Variants in SYNE2 observed in about 807,000 individuals in gnomAD.
SYNE2 encodes nesprin-2.
A neutral mutation model predicts 856.3 loss-of-function variants in SYNE2; 431 were observed. The observed-to-expected ratio is 0.50, with a 90% CI of 0.47 to 0.55. SYNE2 has a LOEUF of 0.55. Ranked by LOEUF, SYNE2 falls within the 20% of genes least tolerant of loss-of-function variation. The pLI, the probability that SYNE2 is intolerant of heterozygous loss-of-function variation, is 0.00. For missense variants in SYNE2, 8,129 were observed against 8,023.2 expected, an observed-to-expected ratio of 1.01 and a Z score of -0.50; for synonymous variants, 2,923 against 2,872.3, an observed-to-expected ratio of 1.02 and a Z score of -0.56.
At chr14:64,020,802 G>T (rs988032186) in intron 35 of SYNE2, among the ~76,000 whole-genome samples, 7 of 152,164 alleles carry the variant, frequency 4.6e-5, no homozygotes, top group Non-Finnish European at 8.8e-5. Context: ...TAGGTACATA[G>T]TGGTTGAATA....
chr14:64,002,516 G>C (rs1197680754), intron 29 of SYNE2, among the ~76,000 whole-genome samples: 1 of 152,112 alleles, frequency 6.6e-6, no homozygotes, highest in African/African-American at 2.4e-5. Flanking sequence ...TTATGTGCTT[G>C]TTTTCTTTTT....
chr14:63,955,773 G>A (rs528941032), intron 8 of SYNE2, among the ~76,000 whole-genome samples: 12 of 152,200 alleles, frequency 7.9e-5, no homozygotes, highest in East Asian at 1.9e-4. Context: ...TTTATGATAC[G>A]CTTTCTTATA....
Position 64,167,589 on chromosome 14 carries a change from G to A in SYNE2, c.16855G>A (p.Asp5619Asn), listed in dbSNP as rs1220986968. 3 of 1,614,202 alleles carry A rather than the reference G, an allele frequency of 1.9e-6. No homozygotes were observed. The South Asian group carries it at 3.3e-5, about 18-fold the overall frequency. ...LEKIEEALKV[D>N]VANSLPELLE... ...GAAGATAGAAGAAGCACTCAAAGTG[G>A]ATGTGGCTAACAGCCTTCCTGAGCT... The change falls in exon 92 of 116, where the codon GAT (aspartate) becomes AAT (asparagine). Residue 5619 changes from aspartate (D) to asparagine (N), a missense_variant. Around this residue, in one of 3 missense-constraint regions of SYNE2, gnomAD observed 5,410 missense variants for 5,284.8 expected, o/e 1.02. Coordinates refer to ENST00000555002, the MANE Select transcript of SYNE2 (RefSeq NM_182914.3).
chr14:63,909,626 A>C (rs958748757), intron 2 of SYNE2, among the ~76,000 whole-genome samples: 1 of 152,070 alleles, frequency 6.6e-6, no homozygotes, highest in Non-Finnish European at 1.5e-5. Flanking sequence ...CGGATCACCC[A>C]AGGTCAGGAG....
intron 39 of SYNE2, 121 bp downstream of exon 39, chr14:64,024,580 T>A: frequency 1.0e-6 from 1 of 962,628 alleles, no homozygotes; most frequent in Non-Finnish European, 1.6e-6. Context: ...ACAAAAGGCG[T>A]ACTTTTCAAT....
intron 41 of SYNE2, among the ~76,000 whole-genome samples, chr14:64,026,135 G>C (rs566928241): frequency 6.6e-6 from 1 of 152,118 alleles, no homozygotes; most frequent in African/African-American, 2.4e-5. Flanking sequence ...CGTTTTCCCA[G>C]AGAAAGTGAG....
chr14:63,939,225 G>T lies in SYNE2; in HGVS notation c.80-1389G>T, dbSNP rs919354961. On this transcript the variant is annotated intron_variant, in intron 2 of 115. Transcript: ENST00000555002. ...GTTGAGAATGTCTGCTGAAAATCAG[G>T]GGGTAGAGGGCTAAGGGAGGCATGG... Among the ~76,000 whole-genome samples, 3 of 152,268 alleles carry T rather than the reference G, an allele frequency of 2.0e-5. No individual in the cohort carries two copies. The South Asian group carries it at 6.2e-4, about 32-fold the overall frequency.
chr14:64,035,274 A>T (rs371226699), intron 45 of SYNE2, among the ~76,000 whole-genome samples: 2 of 152,098 alleles, frequency 1.3e-5, no homozygotes, highest in African/African-American at 4.8e-5. Flanking sequence ...TTGAATGAGA[A>T]GGAAACTACT....
intron 2 of SYNE2, among the ~76,000 whole-genome samples, chr14:63,927,913 G>A (rs77598306): frequency 0.046 from 6,987 of 151,850 alleles, 177 homozygotes; most frequent in Middle Eastern, 0.054. Context: ...CATGCCTTTC[G>A]CCTTCTGCCA....
intron 96 of SYNE2, among the ~76,000 whole-genome samples, chr14:64,186,150 G>T (rs113041967): frequency 5.3e-5 from 8 of 152,246 alleles, no homozygotes; most frequent in African/African-American, 1.9e-4. Flanking sequence ...AGACCTATGT[G>T]ACTTTAAAAT....
intron 1 of SYNE2, among the ~76,000 whole-genome samples, chr14:63,785,288 G>A (rs548392129): frequency 1.3e-5 from 2 of 151,922 alleles, no homozygotes; most frequent in African/African-American, 4.8e-5. Context: ...GCAAAACCCC[G>A]TCTCTACCAA....
chr14:64,202,951 C>T lies in SYNE2; in HGVS notation c.18189C>T (p.Leu6063=), dbSNP rs752563129. The stretch of plus-strand genomic sequence containing the variant: ...ATGATCAAGAGATCCAGAAGAGGCT[C>T]GCTGAGCAGCAGGTGGGACAATCAG... The part of the protein sequence containing the change: ...VCDDQEIQKR[L]AEQQDLQRDI... Residue 6063 remains leucine (L), a synonymous_variant, in exon 100 of 116, where the codon CTC becomes CTT. Transcript: ENST00000555002. 46 of 1,614,138 alleles carry T rather than the reference C, an allele frequency of 2.8e-5. No individual in the cohort carries two copies. The Admixed American group carries it at 4.0e-4, about 14-fold the overall frequency.
At chr14:63,844,855 A>G (rs1328324471) in intron 1 of SYNE2, among the ~76,000 whole-genome samples, 1 of 152,176 alleles carries the variant, frequency 6.6e-6, no homozygotes, top group Non-Finnish European at 1.5e-5. Flanking sequence ...GACCACCCTG[A>G]GCAACATAGC....
chr14:63,761,849 A>G (rs897529108), upstream of SYNE2, among the ~76,000 whole-genome samples: 1 of 152,006 alleles, frequency 6.6e-6, no homozygotes, highest in Non-Finnish European at 1.5e-5. Context: ...ACATTGCCAA[A>G]CCTCTCCCAG....
intron 54 of SYNE2, among the ~76,000 whole-genome samples, chr14:64,076,515 T>A (rs1161662409): frequency 1.3e-5 from 2 of 152,184 alleles, no homozygotes; most frequent in East Asian, 1.9e-4. Context: ...TCACTAGGAA[T>A]AGCACTTAGT....
intron 1 of SYNE2, among the ~76,000 whole-genome samples, chr14:63,793,418 G>C (rs1887803092): frequency 6.6e-6 from 1 of 152,190 alleles, no homozygotes; most frequent in Admixed American, 6.5e-5. Context: ...CACCTCAAAA[G>C]AGCAGCAGTT....
At chr14:63,856,463 C>T (rs967387694) in intron 1 of SYNE2, among the ~76,000 whole-genome samples, 1 of 152,202 alleles carries the variant, frequency 6.6e-6, no homozygotes, top group Non-Finnish European at 1.5e-5. Context: ...GCAGTATACA[C>T]ATGTGCTCCT....
rs1489774059 is a variant in SYNE2, at chr14:64,078,348, C to T, written c.11023-118C>T. 5 of 1,293,290 alleles carry T rather than the reference C, an allele frequency of 3.9e-6. No individual in the cohort carries two copies. The Admixed American group carries it at 5.6e-5, about 15-fold the overall frequency. 80.1% of individuals were successfully genotyped at this position (1,293,290 alleles called of 1,614,324 possible). ...ATGCATTTGCCAGAATTTCTTCCCC[C>T]AGCCCTTAAAAAATTTTTACAAGTT... is the stretch of plus-strand genomic sequence containing the variant. On this transcript the variant is annotated intron_variant, in intron 54 of 115. Transcript: ENST00000555002.
At chr14:63,989,249 C>T (rs1046639974) in intron 19 of SYNE2, among the ~76,000 whole-genome samples, 1 of 152,150 alleles carries the variant, frequency 6.6e-6, no homozygotes, top group Admixed American at 6.5e-5. Context: ...TTTTGCATTG[C>T]AGGTTTTTTA....
Sources: gnomAD v4.1 joint callset for allele counts (sites outside exome capture counted in the v4.1 genomes callset) on GRCh38, gnomAD v4.1.1 for gene constraint, gnomAD v4.1.1 regional missense constraint, MANE v1.5 for transcripts, NCBI Gene and HGNC (gene_info 2026-07-23, HGNC 2026-07-21) for gene names.